The following SIDT1 variants were observed in gnomAD, a reference collection of about 807,000 sequenced individuals.
SIDT1 encodes the protein SID1 transmembrane family member 1.
SIDT1 carries 101 observed loss-of-function variants against 107.5 expected under a neutral mutation model. That is an observed-to-expected ratio of 0.94 (90% CI 0.80 to 1.11). The LOEUF is 1.11. Ranked by LOEUF, SIDT1 falls within the 50% of genes least tolerant of loss-of-function variation. SIDT1 has a pLI of 0.00. For synonymous variants in SIDT1, 395 were observed against 398.2 expected (o/e 0.99, Z 0.10); for missense variants, 1,076 against 1,058.2 (o/e 1.02, Z -0.23).
chr3:113,605,196 C>T (rs980054786), intron 14 of SIDT1, among the ~76,000 whole-genome samples: 1 of 142,814 alleles, frequency 7.0e-6, no homozygotes, highest in African/African-American at 2.6e-5. Context: ...GATGTCGGCT[C>T]ACTGCAACCT....
At chr3:113,540,282 C>T (rs1938663874) in intron 1 of SIDT1, among the ~76,000 whole-genome samples, 1 of 152,180 alleles carries the variant, frequency 6.6e-6, no homozygotes, top group African/African-American at 2.4e-5. Flanking sequence ...ACCCTCATGA[C>T]TCCACACCTC....
chr3:113,589,792 C>A (rs1944011690), intron 9 of SIDT1: 1 of 152,636 alleles, frequency 6.6e-6, no homozygotes, highest in African/African-American at 2.4e-5. Context: ...CCTTGGCCTC[C>A]AAAAGTGCTG....
In SIDT1 at chr3:113,614,944, CA is replaced by C. The variant is rs1372323275; in HGVS notation, c.1967-1152del. ...AAGCATTACTTTTATAATCAGAAAG[CA>C]AAATTAAAGTCATCCATCTTGAGAA... On this transcript the variant is annotated intron_variant, in intron 19 of 24. Coordinates refer to ENST00000264852, the MANE Select transcript of SIDT1 (RefSeq NM_017699.3). The C allele has an allele frequency of 8.1e-5, 86 of 1,055,668 alleles. No individual in the cohort carries two copies. In the East Asian group the frequency reaches 2.2e-3, roughly 26 times the overall value. 65.4% of individuals were successfully genotyped at this position (1,055,668 alleles called of 1,614,324 possible).
chr3:113,551,089 T>C (rs186425914), intron 1 of SIDT1, among the ~76,000 whole-genome samples: 18 of 152,352 alleles, frequency 1.2e-4, no homozygotes, highest in Admixed American at 1.1e-3. Flanking sequence ...GCAAAGGACA[T>C]AATCTCATTC....
In SIDT1 at chr3:113,623,630, GCT is replaced by G; in HGVS notation, c.2207_2208del (p.Ser736Ter). ...CTGCTTCTCCTCCCACAGCTCCGCA[GCT>G]CTGAAAAGGTCCTCCCAGTCCCGCT... On this transcript the variant is annotated frameshift_variant, in exon 23 of 25. Coordinates refer to ENST00000264852, the MANE Select transcript of SIDT1 (RefSeq NM_017699.3). LOFTEE classifies it high-confidence loss of function. 1 of 1,613,568 alleles carries G rather than the reference GCT, an allele frequency of 6.2e-7. No individual in the cohort carries two copies. The highest frequency in any genetic ancestry group is 8.5e-7 in the Non-Finnish European group (1 of 1,179,556).
chr3:113,599,124 G>A (rs1476136342), intron 10 of SIDT1, among the ~76,000 whole-genome samples: 4 of 152,306 alleles, frequency 2.6e-5, no homozygotes, highest in African/African-American at 9.6e-5. Context: ...GTGAGACCCA[G>A]TCTCAAGAAA....
intron 1 of SIDT1, among the ~76,000 whole-genome samples, chr3:113,560,879 C>T (rs1347092610): frequency 6.6e-6 from 1 of 152,164 alleles, no homozygotes; most frequent in Non-Finnish European, 1.5e-5. Flanking sequence ...AAAAGAGAGT[C>T]TCTAAGCTTT....
intron 15 of SIDT1, among the ~76,000 whole-genome samples, chr3:113,607,378 A>G (rs1002060441): frequency 6.6e-6 from 1 of 152,172 alleles, no homozygotes; most frequent in Non-Finnish European, 1.5e-5. Context: ...CTCTGGTGGC[A>G]TTTGTTCACA....
chr3:113,583,667 C>T (rs1251868669), intron 7 of SIDT1, among the ~76,000 whole-genome samples, 171 bp downstream of exon 7: 1 of 152,198 alleles, frequency 6.6e-6, no homozygotes, highest in Non-Finnish European at 1.5e-5. Context: ...TAGAAAGTAA[C>T]AGATCTAAAG....
At chr3:113,569,583 G>A (rs11929640) in intron 3 of SIDT1, among the ~76,000 whole-genome samples, 48,632 of 151,980 alleles carry the variant, frequency 0.32, 8,615 homozygotes, top group East Asian at 0.68. Context: ...ATACCCATAC[G>A]GAAACGTGGA....
downstream of SIDT1, among the ~76,000 whole-genome samples, chr3:113,631,862 A>G (rs1425941730): frequency 6.6e-6 from 1 of 152,234 alleles, no homozygotes; most frequent in Non-Finnish European, 1.5e-5. Context: ...TTCACGAAGA[A>G]GTACCCTTTG....
At chr3:113,607,906 A>G (rs1177865632) in intron 15 of SIDT1, among the ~76,000 whole-genome samples, 188 bp from the exon 16 acceptor site, 3 of 152,236 alleles carry the variant, frequency 2.0e-5, no homozygotes, top group African/African-American at 4.8e-5. Context: ...GTCACAGGCT[A>G]AGTAAGCATC....
chr3:113,550,203 C>T (rs1219364230), intron 1 of SIDT1, among the ~76,000 whole-genome samples: 1 of 152,162 alleles, frequency 6.6e-6, no homozygotes, highest in Non-Finnish European at 1.5e-5. Flanking sequence ...TCTGCTTCTC[C>T]TATCCTTTTT....
chr3:113,608,921 T>A (rs1309050746), intron 17 of SIDT1, among the ~76,000 whole-genome samples: 1 of 152,170 alleles, frequency 6.6e-6, no homozygotes, highest in African/African-American at 2.4e-5. Context: ...GGCTTCGTAG[T>A]TCCACCCAAC....
intron 1 of SIDT1, among the ~76,000 whole-genome samples, chr3:113,557,520 GAC>G (rs1287175261): frequency 6.6e-6 from 1 of 152,140 alleles, no homozygotes; most frequent in African/African-American, 2.4e-5. Flanking sequence ...TGAAGACAGA[GAC>G]ACACAGAGGG....
intron 1 of SIDT1, among the ~76,000 whole-genome samples, chr3:113,549,051 T>C (rs369659802): frequency 6.6e-6 from 1 of 152,192 alleles, no homozygotes; most frequent in East Asian, 1.9e-4. Context: ...TGTAAAACAT[T>C]AAGGTTCCTC....
chr3:113,610,568 A>G (rs1285429156), intron 17 of SIDT1, among the ~76,000 whole-genome samples: 1 of 152,206 alleles, frequency 6.6e-6, no homozygotes. Flanking sequence ...CAATGTGATT[A>G]TATTTTAGGG....
intron 14 of SIDT1, among the ~76,000 whole-genome samples, chr3:113,606,169 A>C (rs1044698545): frequency 6.6e-6 from 1 of 152,202 alleles, no homozygotes; most frequent in African/African-American, 2.4e-5. Flanking sequence ...GGCCAAGGTC[A>C]CTTATATGGC....
intron 4 of SIDT1, 61 bp from the exon 5 acceptor site, chr3:113,580,544 ATAG>A: frequency 9.9e-7 from 1 of 1,007,958 alleles, no homozygotes; most frequent in South Asian, 1.3e-5. Context: ...TTTGTGCCTA[ATAG>A]TAGAGGAAAC....
Sources: allele counts gnomAD v4.1 joint callset (sites outside exome capture counted in the v4.1 genomes callset), GRCh38; gene constraint gnomAD v4.1.1; transcripts MANE v1.5; gene names NCBI Gene and HGNC (gene_info 2026-07-23, HGNC 2026-07-21).